Variants in CTTNBP2 observed in about 807,000 individuals in gnomAD.
CTTNBP2 encodes the protein cortactin binding protein 2, also known as cortactin-binding protein 2.
Under a neutral mutation model 156.9 loss-of-function variants are expected in CTTNBP2, and 108 were observed. That is an observed-to-expected ratio of 0.69 (90% CI 0.59 to 0.81). The LOEUF (loss-of-function observed/expected upper bound fraction) is 0.81, where lower values mean the gene tolerates loss of function less well. CTTNBP2 is among the 30% of genes least tolerant of loss of function. CTTNBP2 has a pLI of 0.00. For missense variants in CTTNBP2, 1,924 were observed against 2,035.4 expected (o/e 0.95, Z 1.05); for synonymous variants, 767 against 751.8 (o/e 1.02, Z -0.33).
intron 1 of CTTNBP2, among the ~76,000 whole-genome samples, chr7:117,870,240 G>A (rs1804489018): frequency 6.6e-6 from 1 of 152,162 alleles, no homozygotes; most frequent in Non-Finnish European, 1.5e-5. Context: ...CATGATGCCT[G>A]TATCTCAGTA....
In CTTNBP2 at chr7:117,725,233, G is replaced by C. The variant is rs757314897; in HGVS notation, c.4080C>G (p.Gly1360=). The change falls in exon 18 of 23, where the codon GGC becomes GGG. Residue 1360 remains glycine, a synonymous_variant. Coordinates refer to ENST00000160373, the MANE Select transcript of CTTNBP2 (RefSeq NM_033427.3). ...TVKWMSKLWN[G]VIAPRVQEAI... ...CTTCTTGAACTCTGGGTGCGATGAC[G>C]CCATTCCACAGCTTAGACATCCACC... 1 of 1,614,084 alleles carries C rather than the reference G, an allele frequency of 6.2e-7. No individual in the cohort carries two copies. The highest frequency in any genetic ancestry group is 8.5e-7 in the Non-Finnish European group (1 of 1,179,980).
chr7:117,744,618 C>CT (rs1161615328), intron 14 of CTTNBP2, among the ~76,000 whole-genome samples: 2 of 152,112 alleles, frequency 1.3e-5, no homozygotes, highest in Non-Finnish European at 2.9e-5. Context: ...GGCACGGTGG[C>CT]TCACGCTTGT....
rs34338831 is a variant in CTTNBP2 at position 117,717,335 on chromosome 7, C to A, written c.4746+683G>T. 2.5e-4 allele frequency among the ~76,000 whole-genome samples: 37 copies of A among 149,646 alleles called. 1 individual carries two copies. The East Asian group carries it at 5.5e-3, about 22-fold the overall frequency. On this transcript the variant is annotated intron_variant, in intron 22 of 22. Coordinates refer to ENST00000160373, the MANE Select transcript of CTTNBP2 (RefSeq NM_033427.3). ...ATAAAATTGAGATTTTTTTTTTTTG[C>A]AATGTATAAGACCTTTATGTTATCA...
chr7:117,734,264 C>T (rs558690059), intron 16 of CTTNBP2, among the ~76,000 whole-genome samples: 2 of 152,336 alleles, frequency 1.3e-5, no homozygotes, highest in African/African-American at 4.8e-5. Flanking sequence ...TACTGTCCTC[C>T]AAATGTGGCC....
chr7:117,811,361 C>G (rs1276704860), intron 2 of CTTNBP2, among the ~76,000 whole-genome samples: 1 of 152,062 alleles, frequency 6.6e-6, no homozygotes, highest in Non-Finnish European at 1.5e-5. Flanking sequence ...AATGCAGTGG[C>G]ACAATCACAG....
At chr7:117,871,478 C>G (rs182071757) in intron 1 of CTTNBP2, 2 of 161,930 alleles carry the variant, frequency 1.2e-5, no homozygotes, top group African/African-American at 4.8e-5. Flanking sequence ...GGTTCACTTT[C>G]GCAGATTTTC....
rs1798189573 is a variant in CTTNBP2 at position 117,777,779 on chromosome 7, G to A, written c.2524-14C>T. ...TGTCCAGCCATCCTGAAAATAAAAT[G>A]ACCAGGGGGAAAGGGTTGATAACAA... On this transcript the variant is annotated splice_polypyrimidine_tract_variant and intron_variant, in intron 7 of 22. Transcript: ENST00000160373. 1.3e-6 allele frequency: 2 copies of A among 1,599,590 alleles called. No individual in the cohort carries two copies. Among genetic ancestry groups the A allele is most frequent in the Non-Finnish European group, 1.7e-6 (2 of 1,169,880 alleles).
At chr7:117,785,048 T>C (rs1798636668) in intron 4 of CTTNBP2, among the ~76,000 whole-genome samples, 1 of 152,168 alleles carries the variant, frequency 6.6e-6, no homozygotes, top group Non-Finnish European at 1.5e-5. Context: ...TGCTATTCAG[T>C]ATTAAGAGAT....
chr7:117,814,496 G>C (rs1295844926), intron 2 of CTTNBP2, among the ~76,000 whole-genome samples: 1 of 152,084 alleles, frequency 6.6e-6, no homozygotes, highest in Non-Finnish European at 1.5e-5. Flanking sequence ...CGTGATCACG[G>C]CTCACTGTAG....
At chr7:117,847,258 G>A (rs193015679) in intron 2 of CTTNBP2, among the ~76,000 whole-genome samples, 4 of 152,270 alleles carry the variant, frequency 2.6e-5, no homozygotes, top group East Asian at 1.9e-4. Flanking sequence ...AAACTAGGCC[G>A]GGTGTGGTAG....
At chr7:117,846,770 T>C (rs1802608290) in intron 2 of CTTNBP2, among the ~76,000 whole-genome samples, 1 of 152,156 alleles carries the variant, frequency 6.6e-6, no homozygotes, top group South Asian at 2.1e-4. Flanking sequence ...TCTAACCATC[T>C]TCATTCCTTA....
chr7:117,858,691 T>A (rs1016841679), intron 2 of CTTNBP2, among the ~76,000 whole-genome samples: 3 of 152,248 alleles, frequency 2.0e-5, no homozygotes, highest in African/African-American at 7.2e-5. Flanking sequence ...AACTGTGCCA[T>A]GTTTCAAATA....
At chr7:117,834,289 A>G (rs573297854) in intron 2 of CTTNBP2, among the ~76,000 whole-genome samples, 1 of 152,274 alleles carries the variant, frequency 6.6e-6, no homozygotes, top group East Asian at 1.9e-4. Context: ...TCCTGACCTC[A>G]GGTGATCCAT....
chr7:117,787,981 G>A (rs953733727), intron 4 of CTTNBP2, among the ~76,000 whole-genome samples: 2 of 151,994 alleles, frequency 1.3e-5, no homozygotes, highest in African/African-American at 2.4e-5. Flanking sequence ...TATAATTTTG[G>A]TTTAATGTTT....
intron 16 of CTTNBP2, 100 bp downstream of exon 16, chr7:117,734,813 C>T: frequency 1.1e-6 from 1 of 889,790 alleles, no homozygotes; most frequent in Non-Finnish European, 1.6e-6. Context: ...TGTACCTGCC[C>T]AAGGCTGCAT....
intron 2 of CTTNBP2, among the ~76,000 whole-genome samples, chr7:117,846,008 G>A (rs972060598): frequency 2.7e-5 from 4 of 150,780 alleles, no homozygotes; most frequent in Non-Finnish European, 5.9e-5. Flanking sequence ...CTGCCACCAC[G>A]CCCGGCTAAT....
At chr7:117,789,014 T>C (rs1212599564) in intron 4 of CTTNBP2, among the ~76,000 whole-genome samples, 1 of 152,214 alleles carries the variant, frequency 6.6e-6, no homozygotes, top group East Asian at 1.9e-4. Flanking sequence ...ATATTGTCTT[T>C]TGCTCTCCAG....
intron 14 of CTTNBP2, 139 bp downstream of exon 14, chr7:117,745,692 A>C: frequency 1.6e-6 from 1 of 623,994 alleles, no homozygotes. Context: ...TAATTTTTGC[A>C]AGTGTTTATC....
Position 117,757,930 on chromosome 7 carries a change from G to A in CTTNBP2, c.3213C>T (p.Ser1071=). 1 of 1,613,484 alleles carries A rather than the reference G, an allele frequency of 6.2e-7. No individual in the cohort carries two copies. The highest frequency in any genetic ancestry group is 8.5e-7 in the Non-Finnish European group (1 of 1,179,826). ...TATTCTTCCTCATAAAGTCCCACGG[G>A]GACTGCGCGAAGCTCTGACCCACTG... The part of the protein sequence containing the change: ...PWSVGQSFAQ[S]PWDFMRKNKA... Residue 1071 remains serine (S), a synonymous_variant, in exon 11 of 23, where the codon TCC becomes TCT. Coordinates refer to ENST00000160373, the MANE Select transcript of CTTNBP2 (RefSeq NM_033427.3).
Sources: gnomAD v4.1 joint callset for allele counts (sites outside exome capture counted in the v4.1 genomes callset) on GRCh38, gnomAD v4.1.1 for gene constraint, MANE v1.5 for transcripts, NCBI Gene and HGNC (gene_info 2026-07-23, HGNC 2026-07-21) for gene names.